VAV1: variants seen among roughly 807,000 people sequenced by gnomAD.
VAV1 encodes vav guanine nucleotide exchange factor 1, also known as proto-oncogene vav.
A neutral mutation model predicts 128.1 loss-of-function variants in VAV1; 33 were observed. The observed-to-expected ratio is 0.26, with a 90% CI of 0.20 to 0.34. The LOEUF (loss-of-function observed/expected upper bound fraction) is 0.34, where lower values mean the gene tolerates loss of function less well. Among genes scored for constraint, VAV1 ranks in the 10% least tolerant of loss-of-function variants. The pLI, the probability that VAV1 is intolerant of heterozygous loss-of-function variation, is 1.00. For synonymous variants in VAV1, 394 were observed against 409.8 expected, an observed-to-expected ratio of 0.96 and a Z score of 0.47; for missense variants, 715 against 1,093.7, an observed-to-expected ratio of 0.65 and a Z score of 4.88.
Position 6,822,620 on chromosome 19 carries a change from C to G in VAV1, c.654+106C>G. 1.0e-6 allele frequency: 1 copy of G among 957,288 alleles called. No homozygotes were observed. Among genetic ancestry groups the G allele is most frequent in the South Asian group, 1.6e-5 (1 of 62,532 alleles). 59.3% of individuals were successfully genotyped at this position (957,288 alleles called of 1,614,324 possible). On this transcript the variant is annotated intron_variant, in intron 6 of 26. Transcript: ENST00000602142. The surrounding 1 kb of genome is among the most constrained non-coding windows in gnomAD (Gnocchi z 5.9). ...TCTGGGCAGCTGAGGATTTCCTGCT[C>G]CCATCGCTTTTCCTTTCTGTGACTG...
chr19:6,831,625 C>T (rs1972057934), intron 14 of VAV1, among the ~76,000 whole-genome samples: 1 of 152,172 alleles, frequency 6.6e-6, no homozygotes, highest in Non-Finnish European at 1.5e-5. Context: ...TTCTCTATTT[C>T]TCAACCTGTG....
rs2144833331 is a variant in VAV1 at position 6,852,953 on chromosome 19, T to A, written c.2218-12T>A. 2 of 1,605,078 alleles carry A rather than the reference T, an allele frequency of 1.2e-6. No individual in the cohort carries two copies. Among genetic ancestry groups the A allele is most frequent in the Middle Eastern group, 1.7e-4 (1 of 6,006 alleles). On this transcript the variant is annotated splice_polypyrimidine_tract_variant and intron_variant, in intron 24 of 26. Coordinates refer to ENST00000602142, the MANE Select transcript of VAV1 (RefSeq NM_005428.4). ...CGCTGGGATAGCATCTGCCATGTGG[T>A]CCGCCTTCTAGGAGCTGGTGGAGTT...
chr19:6,824,089 C>T (rs759555901), intron 6 of VAV1, among the ~76,000 whole-genome samples: 10 of 152,046 alleles, frequency 6.6e-5, no homozygotes, highest in Admixed American at 1.3e-4. Flanking sequence ...GGGTGCATGC[C>T]ACCACACCCT....
Position 6,826,461 on chromosome 19 carries a change from G to C in VAV1, c.828-151G>C. 7 of 623,808 alleles carry C rather than the reference G, an allele frequency of 1.1e-5. No homozygotes were observed. The South Asian group carries it at 1.3e-4, about 11-fold the overall frequency. 38.6% of individuals were successfully genotyped at this position (623,808 alleles called of 1,614,324 possible). A position where few individuals can be genotyped will look rare whatever the true frequency, so the allele number is the denominator to read the frequency against. On this transcript the variant is annotated intron_variant, in intron 8 of 26. Transcript: ENST00000602142. This position sits in a 1 kb window ranked among gnomAD's most constrained non-coding sequence, Gnocchi z 4.1. Reference sequence around the variant, plus strand: ...ATAATGCTACAATAGCCTCACATGGGAGATGCTATTGTTATGCCCATTTCA... The same window carrying C: ...ATAATGCTACAATAGCCTCACATGGCAGATGCTATTGTTATGCCCATTTCA...
intron 24 of VAV1, among the ~76,000 whole-genome samples, chr19:6,851,457 C>T (rs1226025448): frequency 6.6e-6 from 1 of 152,036 alleles, no homozygotes; most frequent in African/African-American, 2.4e-5. Context: ...GTTGGGATTA[C>T]AGGTGTGAGC....
At chr19:6,848,660 C>T (rs1972588026) in intron 23 of VAV1, among the ~76,000 whole-genome samples, 1 of 152,098 alleles carries the variant, frequency 6.6e-6, no homozygotes. Context: ...GCCTCGGCCT[C>T]CCAAAGTGTT....
rs143404448 is a variant in VAV1, at chr19:6,844,756, C to G, written c.2012+1590C>G. On this transcript the variant is annotated intron_variant, in intron 22 of 26. Coordinates refer to ENST00000602142, the MANE Select transcript of VAV1 (RefSeq NM_005428.4). Reference sequence around the variant, plus strand: ...CGAGATGTGGTCAATGGGGTGGGGACCAGGGTGAGACCAGGGAGGCTCTCT... The same window carrying G: ...CGAGATGTGGTCAATGGGGTGGGGAGCAGGGTGAGACCAGGGAGGCTCTCT... Among the ~76,000 whole-genome samples, 982 of 151,980 alleles carry G rather than the reference C, an allele frequency of 6.5e-3. 11 individuals are homozygous for G. The highest frequency in any genetic ancestry group is 0.023 in the African/African-American group (947 of 41,428).
At chr19:6,784,758 T>TG (rs998917778) in intron 1 of VAV1, among the ~76,000 whole-genome samples, 3 of 152,134 alleles carry the variant, frequency 2.0e-5, no homozygotes, top group African/African-American at 7.2e-5. Context: ...CCTCCCAAAG[T>TG]GCTGGGATTA....
rs1216200424 is a variant in VAV1 at position 6,852,958 on chromosome 19, C to G, written c.2218-7C>G. The stretch of plus-strand genomic sequence containing the variant: ...GGATAGCATCTGCCATGTGGTCCGC[C>G]TTCTAGGAGCTGGTGGAGTTTTACC... On this transcript the variant is annotated splice_region_variant and splice_polypyrimidine_tract_variant and intron_variant, in intron 24 of 26. Coordinates refer to ENST00000602142, the MANE Select transcript of VAV1 (RefSeq NM_005428.4). The G allele has an allele frequency of 8.1e-6, 13 of 1,606,892 alleles. No individual in the cohort carries two copies. Among genetic ancestry groups the G allele is most frequent in the Non-Finnish European group, 9.4e-6 (11 of 1,175,482 alleles).
intron 1 of VAV1, among the ~76,000 whole-genome samples, chr19:6,791,826 G>A (rs1971024340): frequency 6.6e-6 from 1 of 152,180 alleles, no homozygotes; most frequent in Admixed American, 6.6e-5. Context: ...GCTGCAGGAG[G>A]AGGAGCCAGC....
intron 16 of VAV1, 101 bp downstream of exon 16, chr19:6,833,386 G>C: frequency 1.4e-6 from 2 of 1,386,760 alleles, no homozygotes; most frequent in South Asian, 1.3e-5. Flanking sequence ...GGAGATGGGG[G>C]AGTCCCTACT....
chr19:6,776,574 A>C (rs1450670636), intron 1 of VAV1, among the ~76,000 whole-genome samples: 2 of 143,662 alleles, frequency 1.4e-5, no homozygotes, highest in African/African-American at 5.2e-5. Context: ...CCACTCATTC[A>C]CCCACTCATC....
chr19:6,847,116 G>C (rs1372909269), intron 22 of VAV1, among the ~76,000 whole-genome samples: 2 of 152,074 alleles, frequency 1.3e-5, no homozygotes, highest in African/African-American at 2.4e-5. Context: ...GTTTCACCAT[G>C]TTGCCCAGGC....
At position 6,829,825 on chromosome 19, in the gene VAV1, G is replaced by A. The variant is rs753110859; in HGVS notation, c.1305G>A (p.Lys435=). 1.5e-5 allele frequency: 25 copies of A among 1,614,096 alleles called. No homozygotes were observed. Among genetic ancestry groups the A allele is most frequent in the Non-Finnish European group, 1.6e-5 (19 of 1,180,048 alleles). ...FLLDKALLIC[K]RRGDSYDLKD... ...TCGACAAAGCTCTACTCATCTGTAA[G>A]CGCAGGGGAGACTCCTATGACCTCA... The change falls in exon 14 of 27, where the codon AAG becomes AAA. Residue 435 remains lysine (K), a synonymous_variant. Transcript: ENST00000602142.
At chr19:6,825,505 G>A (rs1971897431) in intron 8 of VAV1, 99 bp downstream of exon 8, 2 of 1,055,018 alleles carry the variant, frequency 1.9e-6, no homozygotes, top group African/African-American at 3.2e-5. Context: ...TGGACGGGGA[G>A]GACTTTTTGC....
Position 6,804,244 on chromosome 19 carries a change from C to A in VAV1, c.205-16458C>A, listed in dbSNP as rs893785392. Among the ~76,000 whole-genome samples the A allele has an allele frequency of 2.0e-5, 3 of 151,080 alleles. No homozygotes were observed. The East Asian group carries it at 5.9e-4, about 30-fold the overall frequency. On this transcript the variant is annotated intron_variant, in intron 1 of 26. Coordinates refer to ENST00000602142, the MANE Select transcript of VAV1 (RefSeq NM_005428.4). ...CTTAGCCTGTGAGGCTTCTTGGTTTCACCCAAGAAGCCTCACAGGCTAAGG... is the reference window on the plus strand; with the variant it reads ...CTTAGCCTGTGAGGCTTCTTGGTTTAACCCAAGAAGCCTCACAGGCTAAGG...
chr19:6,837,887 T>C (rs1234718577), intron 21 of VAV1, among the ~76,000 whole-genome samples: 5 of 152,328 alleles, frequency 3.3e-5, no homozygotes, highest in South Asian at 2.1e-4. Flanking sequence ...AAATTCAACA[T>C]TGACATTATA....
At chr19:6,835,214 TAC>T (rs59124872) in intron 19 of VAV1, among the ~76,000 whole-genome samples, 19,238 of 145,210 alleles carry the variant, frequency 0.13, 2,329 homozygotes, top group African/African-American at 0.33. Flanking sequence ...TATATATACA[TAC>T]ACACACACAC....
intron 21 of VAV1, among the ~76,000 whole-genome samples, chr19:6,841,163 C>T (rs1158355689): frequency 1.3e-5 from 2 of 151,930 alleles, no homozygotes; most frequent in Admixed American, 6.6e-5. Flanking sequence ...GACCCACCCT[C>T]CTTGGCTTCC....
Sources: gnomAD v4.1 joint callset for allele counts (sites outside exome capture counted in the v4.1 genomes callset) on GRCh38, gnomAD v4.1.1 for gene constraint, Gnocchi (gnomAD v3.1) non-coding constraint, MANE v1.5 for transcripts, NCBI Gene and HGNC (gene_info 2026-07-23, HGNC 2026-07-21) for gene names.